Variants in HEG1 observed in about 807,000 individuals in gnomAD.
HEG1 encodes the protein protein HEG homolog 1.
Under a neutral mutation model 125.6 loss-of-function variants are expected in HEG1, and 56 were observed. The ratio of observed to expected loss-of-function variants is 0.45; its 90% CI spans 0.36 to 0.56. HEG1 has a LOEUF of 0.56. Ranked by LOEUF, HEG1 falls within the 20% of genes least tolerant of loss-of-function variation. HEG1 has a pLI of 0.00. For missense variants in HEG1, 1,523 were observed against 1,670.0 expected (o/e 0.91, Z 1.53); for synonymous variants, 644 against 668.5 (o/e 0.96, Z 0.57).
chr3:124,974,501 T>C (rs1165120566), intron 15 of HEG1, among the ~76,000 whole-genome samples: 2 of 152,120 alleles, frequency 1.3e-5, no homozygotes, highest in Non-Finnish European at 2.9e-5. Context: ...GTGCTCTTTC[T>C]ACTACACGAA....
chr3:124,989,276 T>C (rs1473063296), intron 14 of HEG1, among the ~76,000 whole-genome samples: 4 of 152,218 alleles, frequency 2.6e-5, no homozygotes, highest in Admixed American at 6.5e-5. Context: ...AGAAAACCTT[T>C]ACGAACAAAG....
At chr3:124,985,608 G>A (rs1936725346) in intron 14 of HEG1, among the ~76,000 whole-genome samples, 1 of 152,128 alleles carries the variant, frequency 6.6e-6, no homozygotes, top group Non-Finnish European at 1.5e-5. Context: ...GATATTTGCT[G>A]TTGAAATTGG....
At chr3:125,009,673 GA>G (rs749044713) in intron 8 of HEG1, 31 bp downstream of exon 8, 2 of 1,586,082 alleles carry the variant, frequency 1.3e-6, no homozygotes, top group Admixed American at 3.5e-5. Context: ...TTGTGGTACG[GA>G]ATAAAGTCCG....
chr3:125,052,611 A>G (rs1937838162), intron 1 of HEG1, among the ~76,000 whole-genome samples: 1 of 152,202 alleles, frequency 6.6e-6, no homozygotes, highest in African/African-American at 2.4e-5. Flanking sequence ...AAGGCATATA[A>G]ACTTTGCATT....
chr3:124,995,654 AG>A (rs1427051212), intron 12 of HEG1, among the ~76,000 whole-genome samples: 4 of 152,244 alleles, frequency 2.6e-5, no homozygotes, highest in African/African-American at 9.6e-5. Context: ...CTGTGGCCCA[AG>A]AAGCCCGGAA....
intron 3 of HEG1, among the ~76,000 whole-genome samples, chr3:125,022,612 G>A (rs2948791): frequency 0.14 from 21,465 of 149,396 alleles, 1,999 homozygotes; most frequent in East Asian, 0.43. Flanking sequence ...TAGAGTCCCA[G>A]ACCACCAAAA....
intron 8 of HEG1, among the ~76,000 whole-genome samples, chr3:125,007,182 G>C (rs1404255812): frequency 7.7e-6 from 1 of 130,272 alleles, no homozygotes; most frequent in African/African-American, 3.0e-5. Flanking sequence ...CTGGGCGACA[G>C]AGCGAGACTC....
At chr3:124,977,361 T>C (rs1030204627) in intron 15 of HEG1, among the ~76,000 whole-genome samples, 2 of 152,238 alleles carry the variant, frequency 1.3e-5, no homozygotes, top group Admixed American at 6.5e-5. Context: ...ACAATGTGCT[T>C]ATTGGCCATC....
chr3:124,976,670 GGTGC>G (rs1936547672), intron 15 of HEG1, among the ~76,000 whole-genome samples: 1 of 152,118 alleles, frequency 6.6e-6, no homozygotes, highest in Non-Finnish European at 1.5e-5. Context: ...CCAGTGTGGA[GGTGC>G]TGGGGGATGG....
At chr3:125,046,654 T>G (rs1341262798) in intron 1 of HEG1, among the ~76,000 whole-genome samples, 1 of 152,162 alleles carries the variant, frequency 6.6e-6, no homozygotes, top group Non-Finnish European at 1.5e-5. Flanking sequence ...CCCTTGATAA[T>G]GATGTTGGAT....
At position 124,966,491 on chromosome 3, in the gene HEG1, T is replaced by A. The variant is rs1936316477; in HGVS notation, c.*4161A>T. 2.0e-5 allele frequency: 3 copies of A among 152,164 alleles called. No homozygotes were observed. Among genetic ancestry groups the A allele is most frequent in the Admixed American group, 1.3e-4 (2 of 15,266 alleles). The allele number at this position is 152,164 out of a possible 1,614,324, so 9.4% of individuals were successfully genotyped here. On this transcript the variant is annotated 3_prime_UTR_variant, in exon 17 of 17. Coordinates refer to ENST00000311127, the MANE Select transcript of HEG1 (RefSeq NM_020733.2). ...AAAGGCAAACTCTACAAAACCAGTATCTCTATTTCCAAAAACACACATGAG... is the reference window on the plus strand; with the variant it reads ...AAAGGCAAACTCTACAAAACCAGTAACTCTATTTCCAAAAACACACATGAG...
intron 5 of HEG1, among the ~76,000 whole-genome samples, chr3:125,016,174 G>C (rs541183235): frequency 6.6e-6 from 1 of 152,284 alleles, no homozygotes; most frequent in East Asian, 1.9e-4. Context: ...ACCACATCAG[G>C]GTTACAGGCT....
chr3:125,039,882 C>T (rs1284382821), intron 1 of HEG1, among the ~76,000 whole-genome samples: 2 of 151,116 alleles, frequency 1.3e-5, no homozygotes, highest in African/African-American at 2.4e-5. Context: ...CACAAAAAGC[C>T]AAACTGCAGC....
chr3:125,053,012 A>G (rs996959404), intron 1 of HEG1, among the ~76,000 whole-genome samples: 3 of 152,232 alleles, frequency 2.0e-5, no homozygotes, highest in African/African-American at 4.8e-5. Context: ...CAGCATCCCC[A>G]TGGCACGAAA....
intron 1 of HEG1, among the ~76,000 whole-genome samples, chr3:125,052,815 A>T (rs757068041): frequency 2.0e-5 from 3 of 152,218 alleles, no homozygotes; most frequent in Non-Finnish European, 4.4e-5. Flanking sequence ...CTCTCCAGGG[A>T]CTTACAGTCT....
intron 1 of HEG1, among the ~76,000 whole-genome samples, chr3:125,046,398 TACACACACACACAC>T (rs10522507): frequency 2.4e-4 from 34 of 141,630 alleles, no homozygotes; most frequent in Admixed American, 3.6e-4. Context: ...TATATACACA[TACACACACACACAC>T]ACACACACAC....
rs757079640 is a variant in HEG1, at chr3:124,970,658, G to A, written c.4140C>T (p.Tyr1380=). ...GTCCCTCTCTCTCCTGGACTTAAAA[G>A]TAGTCTCTTCTTCTGCTTTCATCAC... is the stretch of plus-strand genomic sequence containing the variant. ...FISDESRRRD[Y]F Residue 1380 remains tyrosine, a synonymous_variant, in exon 17 of 17, where the codon TAC becomes TAT. Transcript: ENST00000311127. 5 of 1,599,520 alleles carry A rather than the reference G, an allele frequency of 3.1e-6. No homozygotes were observed. The East Asian group carries it at 1.1e-4, about 36-fold the overall frequency.
chr3:125,055,521 G>A, intron 1 of HEG1, 54 bp downstream of exon 1: 1 of 1,118,160 alleles, frequency 8.9e-7, no homozygotes, highest in East Asian at 3.7e-5. Flanking sequence ...CCCGGGGCGC[G>A]CCCACGCCCC....
chr3:124,990,781 A>G lies in HEG1; in HGVS notation c.3733+6T>C. ...CACGCATAATGGTCCACTTTTGTAC[A>G]CTTACGGTTTCCACAGTTGAGACCA... On this transcript the variant is annotated splice_donor_region_variant and intron_variant, in intron 14 of 16. Coordinates refer to ENST00000311127, the MANE Select transcript of HEG1 (RefSeq NM_020733.2). 6.4e-7 allele frequency: 1 copy of G among 1,559,436 alleles called. No individual in the cohort carries two copies. Among genetic ancestry groups the G allele is most frequent in the African/African-American group, 1.4e-5 (1 of 73,602 alleles).
Sources: gnomAD v4.1 joint callset for allele counts (sites outside exome capture counted in the v4.1 genomes callset) on GRCh38, gnomAD v4.1.1 for gene constraint, MANE v1.5 for transcripts, NCBI Gene and HGNC (gene_info 2026-07-23, HGNC 2026-07-21) for gene names.